TRERF1: variants seen among roughly 807,000 people sequenced by gnomAD.
TRERF1 encodes the protein transcriptional regulating factor 1.
In TRERF1, 27 loss-of-function variants were observed where a neutral mutation model predicts 122.9. The observed-to-expected ratio is 0.22, with a 90% CI of 0.16 to 0.30. TRERF1 has a LOEUF of 0.30. Among genes scored for constraint, TRERF1 ranks in the 10% least tolerant of loss-of-function variants. The probability of loss-of-function intolerance (pLI) is 1.00; values close to 1 mark genes in which losing one functional copy is unlikely to be tolerated. For synonymous variants in TRERF1, 636 were observed against 641.7 expected (o/e 0.99, Z 0.13); for missense variants, 1,248 against 1,560.3 (o/e 0.80, Z 3.37).
intron 2 of TRERF1, among the ~76,000 whole-genome samples, chr6:42,408,267 A>G (rs562806966): frequency 9.7e-5 from 12 of 123,360 alleles, no homozygotes; most frequent in African/African-American, 2.8e-4. Flanking sequence ...ATGTGTGTGT[A>G]TGTATATATA....
chr6:42,438,978 G>C (rs569624875), intron 2 of TRERF1, among the ~76,000 whole-genome samples: 1 of 152,300 alleles, frequency 6.6e-6, no homozygotes, highest in South Asian at 2.1e-4. Flanking sequence ...GAGTGTCGCA[G>C]AATACATGGC....
chr6:42,336,328 C>A (rs1158468235), intron 3 of TRERF1, among the ~76,000 whole-genome samples: 1 of 152,170 alleles, frequency 6.6e-6, no homozygotes, highest in Non-Finnish European at 1.5e-5. Context: ...ACTAACCTGC[C>A]ATGCACCACC....
At position 42,243,450 on chromosome 6, in the gene TRERF1, G is replaced by C; in HGVS notation, c.2746-89C>G. 9 of 936,862 alleles carry C rather than the reference G, an allele frequency of 9.6e-6. No homozygotes were observed. In the South Asian group the frequency reaches 1.3e-4, roughly 13 times the overall value. The allele number at this position is 936,862 out of a possible 1,614,324, so 58.0% of individuals were successfully genotyped here. Reference sequence around the variant, plus strand: ...TTTTGAATATTTAATTTTGTAATAGGGTAATAAACAAGTTTGTACAGTTCA... The same window carrying C: ...TTTTGAATATTTAATTTTGTAATAGCGTAATAAACAAGTTTGTACAGTTCA... On this transcript the variant is annotated intron_variant, in intron 14 of 17. Coordinates refer to ENST00000372922, the Ensembl canonical transcript of TRERF1.
At chr6:42,389,410 G>A (rs563584271) in intron 2 of TRERF1, among the ~76,000 whole-genome samples, 75 of 152,302 alleles carry the variant, frequency 4.9e-4, no homozygotes, top group Middle Eastern at 6.8e-3. Flanking sequence ...CGTGAGAGAC[G>A]CAGGCTGTGA....
Position 42,228,324 on chromosome 6 carries a change from C to T in TRERF1, c.*21G>A, listed in dbSNP as rs774436873. On this transcript the variant is annotated 3_prime_UTR_variant, in exon 18 of 18. Coordinates refer to ENST00000372922, the Ensembl canonical transcript of TRERF1. The surrounding 1 kb of genome is among the most constrained non-coding windows in gnomAD (Gnocchi z 4.2). ...GATGGAGGCCGTGGGTTTTCACTGT[C>T]TCTAAGTGACACACAGGGCTTTATA... is the stretch of plus-strand genomic sequence containing the variant. 4 of 1,585,796 alleles carry T rather than the reference C, an allele frequency of 2.5e-6. No homozygotes were observed. In the Admixed American group the frequency reaches 6.9e-5, roughly 27 times the overall value.
At chr6:42,377,317 C>T (rs566283658) in intron 2 of TRERF1, among the ~76,000 whole-genome samples, 2 of 152,290 alleles carry the variant, frequency 1.3e-5, no homozygotes, top group African/African-American at 4.8e-5. Flanking sequence ...AACCCCGTAC[C>T]CATTCGCAGT....
Position 42,269,174 on chromosome 6 carries a change from G to C in TRERF1, c.417C>G (p.Val139=). The C allele has an allele frequency of 6.2e-7, 1 of 1,614,130 alleles. No homozygotes were observed. The highest frequency in any genetic ancestry group is 2.2e-5 in the East Asian group (1 of 44,906). The change falls in exon 5 of 18, where the codon GTC becomes GTG. Residue 139 remains valine, a synonymous_variant. Transcript: ENST00000372922. The surrounding 1 kb of genome is among the most constrained non-coding windows in gnomAD (Gnocchi z 4.9). ...GGGTGAAAGAGTCCAGCTTGTGTAA[G>C]ACACCGCTGGTAAGCTTCTGGGTCC...
intron 3 of TRERF1, among the ~76,000 whole-genome samples, chr6:42,359,808 A>C (rs1406138742): frequency 2.0e-5 from 3 of 152,236 alleles, no homozygotes; most frequent in African/African-American, 7.2e-5. Context: ...TCAACTATTT[A>C]AGAGATTTTT....
chr6:42,260,654 C>A (rs1282290993), intron 8 of TRERF1, among the ~76,000 whole-genome samples: 1 of 152,110 alleles, frequency 6.6e-6, no homozygotes, highest in Non-Finnish European at 1.5e-5. Context: ...AGGTTCTGGG[C>A]AGTCTGGGGT....
intron 13 of TRERF1, among the ~76,000 whole-genome samples, chr6:42,252,291 G>A (rs1308563027): frequency 6.6e-6 from 1 of 152,246 alleles, no homozygotes; most frequent in Non-Finnish European, 1.5e-5. Flanking sequence ...GCTTGGAGTG[G>A]GTGGGAAAGG....
At chr6:42,408,491 G>T (rs1780643807) in intron 2 of TRERF1, among the ~76,000 whole-genome samples, 1 of 146,192 alleles carries the variant, frequency 6.8e-6, no homozygotes, top group South Asian at 2.1e-4. Context: ...CGATTTTCCT[G>T]CCTCAGCCTC....
At chr6:42,264,887 C>T (rs1441124924) in intron 6 of TRERF1, 33 bp from the exon 7 acceptor site, 5 of 1,609,830 alleles carry the variant, frequency 3.1e-6, no homozygotes, top group Non-Finnish European at 2.5e-6. Flanking sequence ...GGAGAGGACA[C>T]ATACGTTGAG....
At chr6:42,329,122 A>G (rs1764793364) in intron 3 of TRERF1, among the ~76,000 whole-genome samples, 1 of 151,786 alleles carries the variant, frequency 6.6e-6, no homozygotes, top group Non-Finnish European at 1.5e-5. Flanking sequence ...GCTGGTTTGG[A>G]TAAAGCATTG....
At chr6:42,266,129 G>A (rs888726844) in intron 5 of TRERF1, among the ~76,000 whole-genome samples, 1 of 151,692 alleles carries the variant, frequency 6.6e-6, no homozygotes, top group African/African-American at 2.4e-5. Context: ...TCCCATAAGG[G>A]ACACAGAAGA....
rs1779617846 is a variant in TRERF1, at chr6:42,268,453, GGTA to G, written c.1135_1137del (p.Tyr379del). The G allele has an allele frequency of 6.3e-7, 1 of 1,587,858 alleles. No individual in the cohort carries two copies. The highest frequency in any genetic ancestry group is 1.3e-5 in the African/African-American group (1 of 74,450). ...TGGCTGTAGGGCTGCTGGGGCTCCT[GGTA>G]GTAGTACTGGGACATGGAGCCCAGG... On this transcript the variant is annotated inframe_deletion, in exon 5 of 18. Transcript: ENST00000372922. This position sits in a 1 kb window ranked among gnomAD's most constrained non-coding sequence, Gnocchi z 4.4.
intron 3 of TRERF1, among the ~76,000 whole-genome samples, chr6:42,351,659 A>C (rs1769470370): frequency 1.3e-5 from 2 of 152,114 alleles, no homozygotes; most frequent in Admixed American, 1.3e-4. Context: ...TTTCAGCAAG[A>C]AGCAGCTGCT....
At chr6:42,231,469 T>C (rs1770531401) in intron 17 of TRERF1, among the ~76,000 whole-genome samples, 1 of 152,156 alleles carries the variant, frequency 6.6e-6, no homozygotes, top group African/African-American at 2.4e-5. Flanking sequence ...CTCTACTCTA[T>C]GAGGATGTAT....
At chr6:42,414,417 T>C (rs948303368) in intron 2 of TRERF1, among the ~76,000 whole-genome samples, 3 of 152,218 alleles carry the variant, frequency 2.0e-5, no homozygotes, top group Non-Finnish European at 4.4e-5. Context: ...AAAAATATTA[T>C]ACTGTCAAAA....
At chr6:42,334,753 C>G (rs1330070021) in intron 3 of TRERF1, among the ~76,000 whole-genome samples, 1 of 152,232 alleles carries the variant, frequency 6.6e-6, no homozygotes, top group East Asian at 1.9e-4. Flanking sequence ...GGCCCAGGAA[C>G]CACAAAGGTG....
Sources: gnomAD v4.1 joint callset for allele counts (sites outside exome capture counted in the v4.1 genomes callset) on GRCh38, gnomAD v4.1.1 for gene constraint, Gnocchi (gnomAD v3.1) non-coding constraint, MANE v1.5 for transcripts, NCBI Gene and HGNC (gene_info 2026-07-23, HGNC 2026-07-21) for gene names.